Variants in HELZ observed in about 807,000 individuals in gnomAD.
HELZ encodes helicase with zinc finger, also known as ATP-dependent RNA helicase with zinc finger domain.
Under a neutral mutation model 218.2 loss-of-function variants are expected in HELZ, and 23 were observed. The ratio of observed to expected loss-of-function variants is 0.11; its 90% confidence interval spans 0.08 to 0.15. HELZ has a LOEUF of 0.15. HELZ is among the 10% of genes least tolerant of loss of function. The probability of loss-of-function intolerance (pLI) is 1.00; values close to 1 mark genes in which losing one functional copy is unlikely to be tolerated. For synonymous variants in HELZ, 814 were observed against 829.4 expected (o/e 0.98, Z 0.32); for missense variants, 1,813 against 2,353.7 (o/e 0.77, Z 4.75).
intron 28 of HELZ, 55 bp downstream of exon 28, chr17:67,114,269 A>G (rs998633825): frequency 3.4e-6 from 4 of 1,166,512 alleles, no homozygotes; most frequent in Non-Finnish European, 3.9e-6. Flanking sequence ...TCAAGATTCC[A>G]AGATGACCAA....
At chr17:67,147,604 A>C (rs2038540692) in intron 20 of HELZ, among the ~76,000 whole-genome samples, 1 of 151,722 alleles carries the variant, frequency 6.6e-6, no homozygotes, top group South Asian at 2.1e-4. Flanking sequence ...CAGCCTCTCA[A>C]GTAGCTGGGA....
chr17:67,207,297 G>A (rs1039339218), intron 5 of HELZ, among the ~76,000 whole-genome samples: 15 of 135,970 alleles, frequency 1.1e-4, no homozygotes, highest in African/African-American at 3.4e-4. Context: ...TAGGCTCACT[G>A]CAACCACCGC....
chr17:67,197,056 G>A (rs1034252151), intron 7 of HELZ, among the ~76,000 whole-genome samples: 14 of 152,232 alleles, frequency 9.2e-5, no homozygotes, highest in Non-Finnish European at 1.9e-4. Context: ...AAGTGATATG[G>A]TTTGGCTGTG....
At chr17:67,190,094 AAAGTC>A (rs1173551699) in intron 10 of HELZ, 58 bp downstream of exon 10, 2 of 1,361,070 alleles carry the variant, frequency 1.5e-6, no homozygotes, top group Non-Finnish European at 2.1e-6. Flanking sequence ...AGCACACAAT[AAAGTC>A]AAGACTCAAG....
At chr17:67,134,262 G>A (rs2038076254) in intron 23 of HELZ, among the ~76,000 whole-genome samples, 1 of 152,072 alleles carries the variant, frequency 6.6e-6, no homozygotes, top group East Asian at 1.9e-4. Flanking sequence ...GCGCATGCCT[G>A]TAATCCCAGC....
At chr17:67,092,892 C>CG (rs61667024) in intron 31 of HELZ, among the ~76,000 whole-genome samples, 65,340 of 147,162 alleles carry the variant, frequency 0.44, 15,769 homozygotes, top group East Asian at 0.76. Context: ...TTGAAACCGG[C>CG]GGGGGGGGGA....
intron 14 of HELZ, 51 bp from the exon 15 acceptor site, chr17:67,166,659 G>A (rs534390806): frequency 2.6e-6 from 4 of 1,561,248 alleles, no homozygotes; most frequent in Non-Finnish European, 3.5e-6. Context: ...AAACATCAAT[G>A]CTGGCAGCTC....
At chr17:67,194,609 A>G (rs563480209) in intron 8 of HELZ, among the ~76,000 whole-genome samples, 12 of 152,346 alleles carry the variant, frequency 7.9e-5, no homozygotes, top group African/African-American at 2.9e-4. Context: ...CACAGTATTT[A>G]CTTACTTGTG....
chr17:67,091,438 T>C (rs1435632895), intron 31 of HELZ, among the ~76,000 whole-genome samples: 3 of 152,066 alleles, frequency 2.0e-5, no homozygotes, highest in Non-Finnish European at 4.4e-5. Flanking sequence ...TTCTCCTTTA[T>C]AAAAGAAAAA....
chr17:67,120,251 G>A (rs544842475), intron 27 of HELZ, among the ~76,000 whole-genome samples, 154 bp downstream of exon 27: 124 of 151,824 alleles, frequency 8.2e-4, no homozygotes, highest in African/African-American at 2.9e-3. Flanking sequence ...TGATCTGCCC[G>A]CCTCGGCCTC....
chr17:67,155,020 C>T (rs2038798174), intron 17 of HELZ, among the ~76,000 whole-genome samples: 1 of 152,148 alleles, frequency 6.6e-6, no homozygotes, highest in Non-Finnish European at 1.5e-5. Context: ...CCACCCATCC[C>T]CCAGATGAGC....
intron 5 of HELZ, among the ~76,000 whole-genome samples, chr17:67,206,551 T>G (rs1326193739): frequency 6.6e-6 from 1 of 152,172 alleles, no homozygotes; most frequent in Non-Finnish European, 1.5e-5. Flanking sequence ...ATAGTAAATG[T>G]TGAGTACATA....
At chr17:67,141,039 T>TTCC (rs2038305927) in intron 21 of HELZ, among the ~76,000 whole-genome samples, 1 of 152,186 alleles carries the variant, frequency 6.6e-6, no homozygotes, top group Non-Finnish European at 1.5e-5. Flanking sequence ...CCTAAGAGAA[T>TTCC]TCCTCACTTG....
At chr17:67,166,454 T>C (rs778283263) in intron 15 of HELZ, 24 bp downstream of exon 15, 1 of 1,587,228 alleles carries the variant, frequency 6.3e-7, no homozygotes, top group South Asian at 1.1e-5. Flanking sequence ...TAACTTCCTT[T>C]AATAAGATAT....
chr17:67,156,982 A>G (rs2144087772), intron 17 of HELZ, among the ~76,000 whole-genome samples: 1 of 152,206 alleles, frequency 6.6e-6, no homozygotes, highest in South Asian at 2.1e-4. Flanking sequence ...GATGATAAGT[A>G]AGCTTTTGCT....
At chr17:67,237,797 T>C (rs2041222565) in intron 3 of HELZ, among the ~76,000 whole-genome samples, 1 of 151,460 alleles carries the variant, frequency 6.6e-6, no homozygotes, top group South Asian at 2.1e-4. Context: ...GAGACCAGCC[T>C]GACCAACATG....
chr17:67,099,598 C>T (rs976881932), intron 31 of HELZ, among the ~76,000 whole-genome samples: 1 of 152,118 alleles, frequency 6.6e-6, no homozygotes, highest in South Asian at 2.1e-4. Flanking sequence ...AACTAAACTA[C>T]AAAACTCATG....
At position 67,078,238 on chromosome 17, in the gene HELZ, G is replaced by T; in HGVS notation, c.*14C>A. On this transcript the variant is annotated 3_prime_UTR_variant, in exon 33 of 33. Transcript: ENST00000358691. ...GAAATTAAAACATTCTCCCTTGAGG[G>T]AAAAAAAAAGTGATTATTTAAAATA... The T allele has an allele frequency of 6.5e-7, 1 of 1,541,302 alleles. No individual in the cohort carries two copies.
chr17:67,208,795 GT>G (rs1295530137), intron 5 of HELZ, among the ~76,000 whole-genome samples: 3 of 151,710 alleles, frequency 2.0e-5, no homozygotes, highest in Non-Finnish European at 2.9e-5. Flanking sequence ...AAATTAGCCG[GT>G]TGTGGTGGCA....
Sources: gnomAD v4.1 joint callset for allele counts (sites outside exome capture counted in the v4.1 genomes callset) on GRCh38, gnomAD v4.1.1 for gene constraint, MANE v1.5 for transcripts, NCBI Gene and HGNC (gene_info 2026-07-23, HGNC 2026-07-21) for gene names.